The following RALGAPA2 variants were observed in gnomAD, a reference collection of about 807,000 sequenced individuals.
RALGAPA2 encodes the protein Ral GTPase activating protein catalytic subunit alpha 2.
Under a neutral mutation model 230.4 loss-of-function variants are expected in RALGAPA2, and 139 were observed. The ratio of observed to expected loss-of-function variants is 0.60; its 90% CI spans 0.53 to 0.69. The LOEUF (loss-of-function observed/expected upper bound fraction) is 0.69. RALGAPA2 is among the 30% of genes least tolerant of loss of function. The pLI, the probability that RALGAPA2 is intolerant of heterozygous loss-of-function variation, is 0.00. For missense variants in RALGAPA2, 2,163 were observed against 2,276.0 expected, an observed-to-expected ratio of 0.95 and a Z score of 1.01; for synonymous variants, 847 against 837.8, an observed-to-expected ratio of 1.01 and a Z score of -0.19.
intron 12 of RALGAPA2, 37 bp from the exon 13 acceptor site, chr20:20,616,228 G>A: frequency 7.4e-7 from 1 of 1,356,760 alleles, no homozygotes; most frequent in Non-Finnish European, 9.8e-7. Context: ...AAATATAACT[G>A]AACATAAACA....
At chr20:20,563,079 C>A (rs2064307025) in intron 23 of RALGAPA2, among the ~76,000 whole-genome samples, 1 of 152,122 alleles carries the variant, frequency 6.6e-6, no homozygotes. Flanking sequence ...TGAATTTGTA[C>A]AATAAGCACA....
At position 20,694,857 on chromosome 20, in the gene RALGAPA2, T is replaced by C. The variant is rs142792729; in HGVS notation, c.107-14056A>G. ...AGCACGTTCACCGGGATTTCAGTAA[T>C]GCTTGGCAGGGGACTGCAGAATTTG... On this transcript the variant is annotated intron_variant, in intron 1 of 39. Coordinates refer to ENST00000202677, the MANE Select transcript of RALGAPA2 (RefSeq NM_020343.4). Among the ~76,000 whole-genome samples, 42 of 152,330 alleles carry C rather than the reference T, an allele frequency of 2.8e-4. No individual in the cohort carries two copies. In the East Asian group the frequency reaches 7.1e-3, roughly 26 times the overall value.
At chr20:20,422,005 TA>T (rs2060287021) in intron 37 of RALGAPA2, among the ~76,000 whole-genome samples, 1 of 152,136 alleles carries the variant, frequency 6.6e-6, no homozygotes, top group Non-Finnish European at 1.5e-5. Context: ...TTGCAAACAC[TA>T]TGCTAAGTGA....
Position 20,512,995 on chromosome 20 carries a change from A to G in RALGAPA2, c.4374T>C (p.Asp1458=), listed in dbSNP as rs778507585. The stretch of plus-strand genomic sequence containing the variant: ...AGATATCCCTCACAATTACTCTCAC[A>G]TCAGAGAGAGAGCCCACTGGTGATC... ...VGGSPVGSLS[D]VRVIVRDISG... is the part of the protein sequence containing the mutation. Residue 1458 remains aspartate (D), a synonymous_variant, in exon 32 of 40, where the codon GAT becomes GAC. Coordinates refer to ENST00000202677, the MANE Select transcript of RALGAPA2 (RefSeq NM_020343.4). The G allele has an allele frequency of 1.2e-6, 2 of 1,613,710 alleles. No individual in the cohort carries two copies. The highest frequency in any genetic ancestry group is 8.5e-7 in the Non-Finnish European group (1 of 1,179,704).
intron 20 of RALGAPA2, among the ~76,000 whole-genome samples, chr20:20,576,902 A>G (rs2144281): frequency 0.017 from 2,517 of 152,154 alleles, 92 homozygotes; most frequent in East Asian, 0.15. Context: ...AGTGTTTTCA[A>G]AGAACAATTT....
At chr20:20,600,922 A>AAAC (rs1299257909) in intron 16 of RALGAPA2, among the ~76,000 whole-genome samples, 1 of 152,194 alleles carries the variant, frequency 6.6e-6, no homozygotes, top group Non-Finnish European at 1.5e-5. Flanking sequence ...CAACATGGTG[A>AAAC]AACCCTGTTT....
intron 23 of RALGAPA2, among the ~76,000 whole-genome samples, chr20:20,566,117 G>A (rs2064412193): frequency 6.6e-6 from 1 of 152,204 alleles, no homozygotes; most frequent in Non-Finnish European, 1.5e-5. Flanking sequence ...CATGACAGGA[G>A]GACCCAGATC....
chr20:20,471,795 C>T (rs1181854244), intron 37 of RALGAPA2: 2 of 152,118 alleles, frequency 1.3e-5, no homozygotes, highest in South Asian at 2.1e-4. Context: ...TTTAAGTTGC[C>T]ACATGGCATA....
Position 20,712,284 on chromosome 20 carries a change from T to C in RALGAPA2, c.106+91A>G. The C allele has an allele frequency of 2.6e-4, 120 of 462,408 alleles. No homozygotes were observed. Among genetic ancestry groups the C allele is most frequent in the Middle Eastern group, 2.6e-3 (3 of 1,162 alleles). The allele number at this position is 462,408 out of a possible 1,614,324, so 28.6% of individuals were successfully genotyped here. On this transcript the variant is annotated intron_variant, in intron 1 of 39. Transcript: ENST00000202677. This position sits in a 1 kb window ranked among gnomAD's most constrained non-coding sequence, Gnocchi z 5.5. Reference sequence around the variant, plus strand: ...CGCCCACCCATCCCCCTCCCCAGCCTCCCAGCCACCGACCCCTGCACAGAG... The same window carrying C: ...CGCCCACCCATCCCCCTCCCCAGCCCCCCAGCCACCGACCCCTGCACAGAG...
intron 37 of RALGAPA2, among the ~76,000 whole-genome samples, chr20:20,463,343 T>C (rs575235254): frequency 6.4e-4 from 98 of 152,154 alleles, no homozygotes; most frequent in Non-Finnish European, 1.3e-3. Flanking sequence ...GAGTAAGTGA[T>C]TTGGCATGGA....
At chr20:20,440,529 G>A (rs183373164) in intron 37 of RALGAPA2, among the ~76,000 whole-genome samples, 77 of 152,252 alleles carry the variant, frequency 5.1e-4, no homozygotes, top group African/African-American at 1.8e-3. Context: ...TCCTAATTGC[G>A]CAGACAGCAT....
intron 3 of RALGAPA2, among the ~76,000 whole-genome samples, chr20:20,661,323 T>C (rs2067769107): frequency 6.6e-6 from 1 of 152,130 alleles, no homozygotes; most frequent in African/African-American, 2.4e-5. Flanking sequence ...CACATCCAGC[T>C]AATTTTTGTA....
chr20:20,397,395 C>T (rs1765302530), intron 38 of RALGAPA2, among the ~76,000 whole-genome samples: 2 of 152,222 alleles, frequency 1.3e-5, no homozygotes, highest in African/African-American at 4.8e-5. Flanking sequence ...TCACACAGAA[C>T]TGAGGGGGAT....
chr20:20,505,950 A>G (rs1445438689), intron 33 of RALGAPA2, among the ~76,000 whole-genome samples: 2 of 152,224 alleles, frequency 1.3e-5, no homozygotes, highest in East Asian at 3.8e-4. Context: ...AAATACATAT[A>G]AATTGTGAAT....
intron 1 of RALGAPA2, among the ~76,000 whole-genome samples, chr20:20,705,609 A>T (rs774917583): frequency 3.9e-5 from 6 of 152,312 alleles, no homozygotes; most frequent in South Asian, 2.1e-4. Context: ...AAAAATTTTT[A>T]AAATTCAAAT....
intron 10 of RALGAPA2, among the ~76,000 whole-genome samples, chr20:20,626,325 A>C (rs1011085193): frequency 6.6e-6 from 1 of 152,244 alleles, no homozygotes; most frequent in African/African-American, 2.4e-5. Flanking sequence ...TATTTTAACA[A>C]CACATAATAC....
chr20:20,449,185 T>C (rs1352353565), intron 37 of RALGAPA2, among the ~76,000 whole-genome samples: 2 of 152,128 alleles, frequency 1.3e-5, no homozygotes, highest in African/African-American at 4.8e-5. Flanking sequence ...TGATCACAAG[T>C]AAACAAACCT....
intron 26 of RALGAPA2, among the ~76,000 whole-genome samples, chr20:20,532,768 C>T (rs1448571798): frequency 6.6e-6 from 1 of 152,020 alleles, no homozygotes. Flanking sequence ...AGCCCTAAGC[C>T]CTGCGTCACT....
intron 38 of RALGAPA2, among the ~76,000 whole-genome samples, chr20:20,407,136 T>G (rs2059962858): frequency 6.6e-6 from 1 of 152,166 alleles, no homozygotes; most frequent in South Asian, 2.1e-4. Flanking sequence ...TTGCTCCAAA[T>G]TAATGTGACA....
Sources: gnomAD v4.1 joint callset for allele counts (sites outside exome capture counted in the v4.1 genomes callset) on GRCh38, gnomAD v4.1.1 for gene constraint, Gnocchi (gnomAD v3.1) non-coding constraint, MANE v1.5 for transcripts, NCBI Gene and HGNC (gene_info 2026-07-23, HGNC 2026-07-21) for gene names.